CSMD1: variants seen among roughly 807,000 people sequenced by gnomAD.
CSMD1 encodes CUB and sushi domain-containing protein 1.
CSMD1 carries 213 observed loss-of-function variants against 417.5 expected under a neutral mutation model. The ratio of observed to expected loss-of-function variants is 0.51; its 90% CI spans 0.46 to 0.57. The LOEUF (loss-of-function observed/expected upper bound fraction) is 0.57. CSMD1 is among the 20% of genes least tolerant of loss of function. The pLI is 0.00. For synonymous variants in CSMD1, 2,862 were observed against 1,736.8 expected (o/e 1.65, Z -16.11); for missense variants, 6,923 against 4,529.7 (o/e 1.53, Z -15.17).
intron 5 of CSMD1, among the ~76,000 whole-genome samples, chr8:3,966,651 A>C (rs542025697): frequency 7.2e-5 from 11 of 152,044 alleles, no homozygotes; most frequent in Non-Finnish European, 1.5e-4. Flanking sequence ...CTTTGAGGGC[A>C]AAGACCATGT....
chr8:4,235,524 T>C (rs112793176), intron 3 of CSMD1, among the ~76,000 whole-genome samples: 68 of 152,300 alleles, frequency 4.5e-4, no homozygotes, highest in Middle Eastern at 3.4e-3. Flanking sequence ...TAATGGTACA[T>C]ACATGAATCT....
chr8:4,464,086 C>T (rs1197719710), intron 2 of CSMD1, among the ~76,000 whole-genome samples: 2 of 152,124 alleles, frequency 1.3e-5, no homozygotes, highest in Non-Finnish European at 2.9e-5. Context: ...AAACAGGTTT[C>T]TCAGTTTTCT....
intron 5 of CSMD1, among the ~76,000 whole-genome samples, chr8:3,865,978 G>T (rs187014225): frequency 6.6e-6 from 1 of 152,022 alleles, no homozygotes; most frequent in Non-Finnish European, 1.5e-5. Flanking sequence ...AAAGTGAAAG[G>T]AATTTCACCA....
chr8:4,347,844 C>CAA (rs11309360), intron 3 of CSMD1, among the ~76,000 whole-genome samples: 1 of 149,838 alleles, frequency 6.7e-6, no homozygotes, highest in African/African-American at 2.4e-5. Context: ...TTCAAAGAAA[C>CAA]AAAAAAAAAC....
chr8:3,134,050 C>G (rs568981372), intron 41 of CSMD1, among the ~76,000 whole-genome samples: 2 of 152,164 alleles, frequency 1.3e-5, no homozygotes, highest in African/African-American at 4.8e-5. Context: ...TGGTGGCAGG[C>G]ACCTGCAGTC....
At chr8:4,770,318 A>G (rs2117141702) in intron 1 of CSMD1, among the ~76,000 whole-genome samples, 1 of 148,280 alleles carries the variant, frequency 6.7e-6, no homozygotes, top group South Asian at 2.1e-4. Flanking sequence ...ATTAGCAACT[A>G]TATATGTACA....
At chr8:4,434,068 G>T (rs1349408994) in intron 2 of CSMD1, among the ~76,000 whole-genome samples, 2 of 152,102 alleles carry the variant, frequency 1.3e-5, no homozygotes, top group Non-Finnish European at 2.9e-5. Context: ...CTGGACATTG[G>T]GACTCACGCC....
At chr8:4,206,833 T>C (rs567249024) in intron 3 of CSMD1, among the ~76,000 whole-genome samples, 13 of 152,344 alleles carry the variant, frequency 8.5e-5, no homozygotes, top group Admixed American at 7.8e-4. Context: ...GAGTGATTAT[T>C]TTGTGGGCTC....
At chr8:3,911,100 A>C (rs1808430855) in intron 5 of CSMD1, among the ~76,000 whole-genome samples, 1 of 152,182 alleles carries the variant, frequency 6.6e-6, no homozygotes, top group Non-Finnish European at 1.5e-5. Flanking sequence ...TCACCTTGGC[A>C]GCTGTGGTTT....
At chr8:4,661,805 G>C (rs544434854) in intron 1 of CSMD1, among the ~76,000 whole-genome samples, 2 of 152,262 alleles carry the variant, frequency 1.3e-5, no homozygotes, top group Non-Finnish European at 2.9e-5. Flanking sequence ...AAAACGGTTA[G>C]CATGAAGAAT....
intron 12 of CSMD1, among the ~76,000 whole-genome samples, chr8:3,417,351 A>C (rs1563367891): frequency 6.6e-6 from 1 of 152,228 alleles, no homozygotes; most frequent in Non-Finnish European, 1.5e-5. Flanking sequence ...TTTAGATTTC[A>C]GACAGCTAAC....
chr8:4,461,325 A>G (rs559009467), intron 2 of CSMD1, among the ~76,000 whole-genome samples: 3 of 152,036 alleles, frequency 2.0e-5, no homozygotes, highest in Non-Finnish European at 4.4e-5. Flanking sequence ...GCAATAAGAC[A>G]AATTCTATTC....
At chr8:3,694,728 G>A (rs1183140755) in intron 7 of CSMD1, among the ~76,000 whole-genome samples, 1 of 151,868 alleles carries the variant, frequency 6.6e-6, no homozygotes, top group South Asian at 2.1e-4. Flanking sequence ...GGAGGAAGCA[G>A]GTGCCATTCT....
intron 2 of CSMD1, among the ~76,000 whole-genome samples, chr8:4,524,779 G>C (rs1309561972): frequency 1.3e-5 from 2 of 152,008 alleles, no homozygotes; most frequent in East Asian, 1.9e-4. Flanking sequence ...AAAGTATTTA[G>C]AAATTATCCA....
At chr8:4,804,366 G>T (rs1301212220) in intron 1 of CSMD1, among the ~76,000 whole-genome samples, 1 of 152,048 alleles carries the variant, frequency 6.6e-6, no homozygotes. Context: ...GAGAATCATT[G>T]ATTTTGATGC....
chr8:3,171,830 T>C (rs2129044107), intron 37 of CSMD1, among the ~76,000 whole-genome samples: 1 of 152,328 alleles, frequency 6.6e-6, no homozygotes, highest in Admixed American at 6.5e-5. Context: ...TATCCATTAT[T>C]TGGGAATAGA....
chr8:3,659,198 G>T (rs1172473306), intron 7 of CSMD1, among the ~76,000 whole-genome samples: 2 of 152,282 alleles, frequency 1.3e-5, no homozygotes, highest in Non-Finnish European at 2.9e-5. Context: ...GTATTCTACG[G>T]CAAGGCAAGG....
At chr8:3,628,199 G>A (rs1160840193) in intron 7 of CSMD1, among the ~76,000 whole-genome samples, 2 of 152,126 alleles carry the variant, frequency 1.3e-5, no homozygotes, top group South Asian at 2.1e-4. Context: ...CAACGCGGTT[G>A]TATTTTTATT....
intron 3 of CSMD1, among the ~76,000 whole-genome samples, chr8:4,263,936 T>C (rs769606052): frequency 6.6e-6 from 1 of 152,260 alleles, no homozygotes; most frequent in South Asian, 2.1e-4. Flanking sequence ...TGTTTTTCTA[T>C]CTATATAATG....
Sources: allele counts gnomAD v4.1 joint callset (sites outside exome capture counted in the v4.1 genomes callset), GRCh38; gene constraint gnomAD v4.1.1; transcripts MANE v1.5; gene names NCBI Gene and HGNC (gene_info 2026-07-23, HGNC 2026-07-21).